Variants in PPP2R2C observed in about 807,000 individuals in gnomAD.
The protein encoded by PPP2R2C is protein phosphatase 2 regulatory subunit Bgamma.
Under a neutral mutation model 45.3 loss-of-function variants are expected in PPP2R2C, and 10 were observed. That is an observed-to-expected ratio of 0.22 (90% CI 0.14 to 0.37). The LOEUF is 0.37. Among genes scored for constraint, PPP2R2C ranks in the 10% least tolerant of loss-of-function variants. The pLI is 1.00. For synonymous variants in PPP2R2C, 257 were observed against 245.4 expected (o/e 1.05, Z -0.44); for missense variants, 308 against 619.7 (o/e 0.50, Z 5.34).
chr4:6,445,966 C>T (rs1577188543), intron 1 of PPP2R2C, among the ~76,000 whole-genome samples: 1 of 152,150 alleles, frequency 6.6e-6, no homozygotes. Context: ...GGCGACTGCC[C>T]GGCACACCCT....
At chr4:6,450,579 G>A (rs1292681656) in intron 1 of PPP2R2C, among the ~76,000 whole-genome samples, 1 of 152,146 alleles carries the variant, frequency 6.6e-6, no homozygotes, top group Admixed American at 6.5e-5. Context: ...TAGGGGAGGG[G>A]CCTAAGGAAC....
intron 1 of PPP2R2C, among the ~76,000 whole-genome samples, chr4:6,421,382 T>G (rs1239205467): frequency 1.3e-5 from 2 of 152,142 alleles, no homozygotes; most frequent in Non-Finnish European, 2.9e-5. Flanking sequence ...TTTCCACTCT[T>G]GCTGAATCTG....
chr4:6,554,983 A>AGAAGT (rs1240731369), intron 1 of PPP2R2C, among the ~76,000 whole-genome samples: 4 of 145,292 alleles, frequency 2.8e-5, no homozygotes. Flanking sequence ...GAAAGAAAAG[A>AGAAGT]GAAGAGAAGA....
chr4:6,373,364 A>C (rs1407447687), intron 4 of PPP2R2C, among the ~76,000 whole-genome samples: 2 of 152,152 alleles, frequency 1.3e-5, no homozygotes, highest in Admixed American at 6.5e-5. Flanking sequence ...ACAGCGGTGG[A>C]GTTAGCCTGA....
At position 6,337,110 on chromosome 4, in the gene PPP2R2C, GTGTATATATATATATATATATATATATA is replaced by G. The variant is rs1415790220; in HGVS notation, c.791-3407_791-3380del. On this transcript the variant is annotated intron_variant, in intron 6 of 8. Transcript: ENST00000382599. ...GGCATCTTTGTTTCTGTATGTGTGT[GTGTATATATATATATATATATATATATA>G]TATATATATATATATATATATATTT... Among the ~76,000 whole-genome samples, 75 of 41,504 alleles carry G rather than the reference GTGTATATATATATATATATATATATATA, an allele frequency of 1.8e-3. 4 individuals are homozygous for G. Among genetic ancestry groups the G allele is most frequent in the African/African-American group, 5.2e-3 (60 of 11,572 alleles). The allele number at this position is 41,504 out of a possible 152,430, so 27.2% of individuals were successfully genotyped here.
chr4:6,514,060 T>A (rs2108808061), intron 2 of PPP2R2C, among the ~76,000 whole-genome samples: 1 of 152,360 alleles, frequency 6.6e-6, no homozygotes, highest in African/African-American at 2.4e-5. Context: ...CAGAACCATG[T>A]TCATGTGCAC....
chr4:6,516,220 A>G (rs1389966712), intron 2 of PPP2R2C, among the ~76,000 whole-genome samples: 2 of 152,246 alleles, frequency 1.3e-5, no homozygotes, highest in African/African-American at 2.4e-5. Flanking sequence ...GACCCACCAC[A>G]GTGTGGTCCT....
intron 1 of PPP2R2C, chr4:6,384,580 A>G (rs1342005608): frequency 1.2e-4 from 123 of 984,592 alleles, no homozygotes; most frequent in Non-Finnish European, 1.4e-4. Context: ...CACACAGTGT[A>G]TATTATTTTT....
At chr4:6,380,381 A>G (rs186655183) in intron 2 of PPP2R2C, 3 of 152,862 alleles carry the variant, frequency 2.0e-5, no homozygotes, top group African/African-American at 7.2e-5. Flanking sequence ...CTGCTGTCTT[A>G]CCCAGAGTTC....
chr4:6,396,262 G>T (rs1390743651), intron 1 of PPP2R2C, among the ~76,000 whole-genome samples: 1 of 152,182 alleles, frequency 6.6e-6, no homozygotes, highest in Admixed American at 6.5e-5. Context: ...TCCTTCCACT[G>T]TGGGACAGCC....
chr4:6,501,497 G>A (rs145443168), intron 2 of PPP2R2C, among the ~76,000 whole-genome samples: 2 of 152,298 alleles, frequency 1.3e-5, no homozygotes, highest in African/African-American at 2.4e-5. Flanking sequence ...ATGCCCCTTC[G>A]GAAATCCCCC....
At chr4:6,526,262 C>T (rs1240634725) in intron 2 of PPP2R2C, among the ~76,000 whole-genome samples, 1 of 152,242 alleles carries the variant, frequency 6.6e-6, no homozygotes, top group Non-Finnish European at 1.5e-5. Context: ...ACTTAGCTAA[C>T]CCGTTCATCA....
rs1721967905 is a variant in PPP2R2C, at chr4:6,472,555, G to A, written c.-326C>T. ...GCCGGTGCGCCTGGCTGCGGCGACG[G>A]CGGCGAGGGGACGCGCGCGGCGCTG... On this transcript the variant is annotated 5_prime_UTR_variant, in exon 1 of 9. Transcript: ENST00000382599. 6.8e-6 allele frequency: 1 copy of A among 146,896 alleles called. No individual in the cohort carries two copies. The highest frequency in any genetic ancestry group is 1.5e-5 in the Non-Finnish European group (1 of 66,440). The allele number at this position is 146,896 out of a possible 1,614,324, so 9.1% of individuals were successfully genotyped here.
chr4:6,530,421 C>A (rs955500296), intron 2 of PPP2R2C, among the ~76,000 whole-genome samples: 3 of 152,158 alleles, frequency 2.0e-5, no homozygotes, highest in Non-Finnish European at 2.9e-5. Flanking sequence ...CCCCGTGAAA[C>A]CCTGGGATCC....
intron 1 of PPP2R2C, among the ~76,000 whole-genome samples, chr4:6,547,760 T>C (rs1357001827): frequency 1.3e-5 from 2 of 152,136 alleles, no homozygotes; most frequent in East Asian, 1.9e-4. Context: ...GACATCCATA[T>C]GCAAAAACGC....
intron 2 of PPP2R2C, among the ~76,000 whole-genome samples, chr4:6,479,744 T>C (rs1405524374): frequency 6.6e-6 from 1 of 151,990 alleles, no homozygotes. Context: ...TTTTTTTTTT[T>C]GTATTTTATT....
At chr4:6,398,353 T>C (rs1213022268) in intron 1 of PPP2R2C, among the ~76,000 whole-genome samples, 2 of 152,104 alleles carry the variant, frequency 1.3e-5, no homozygotes, top group Admixed American at 6.6e-5. Context: ...AGTACATGTA[T>C]CTAGTAAACC....
chr4:6,321,831 C>A lies in PPP2R2C; in HGVS notation c.*1471G>T. The A allele has an allele frequency of 6.6e-6, 1 of 152,334 alleles. No individual in the cohort carries two copies. Among genetic ancestry groups the A allele is most frequent in the Middle Eastern group, 3.4e-3 (1 of 294 alleles). 9.4% of individuals were successfully genotyped at this position (152,334 alleles called of 1,614,324 possible). On this transcript the variant is annotated 3_prime_UTR_variant, in exon 9 of 9. Transcript: ENST00000382599. ...GCATCTACCATGGAAACACCACCTT[C>A]TCTGTGGCCCTCATTGTCAGAGGGG...
chr4:6,546,869 C>A (rs1049882094), intron 1 of PPP2R2C, among the ~76,000 whole-genome samples: 3 of 152,024 alleles, frequency 2.0e-5, no homozygotes, highest in East Asian at 3.9e-4. Flanking sequence ...AGGGTCAGCC[C>A]GGAATCTTTG....
Sources: gnomAD v4.1 joint callset for allele counts (sites outside exome capture counted in the v4.1 genomes callset) on GRCh38, gnomAD v4.1.1 for gene constraint, MANE v1.5 for transcripts, NCBI Gene and HGNC (gene_info 2026-07-23, HGNC 2026-07-21) for gene names.